The following ETV6 variants were observed in gnomAD, a reference collection of about 807,000 sequenced individuals.
The protein encoded by ETV6 is ETS variant transcription factor 6, also known as transcription factor ETV6.
A neutral mutation model predicts 51.1 loss-of-function variants in ETV6; 16 were observed. That is an observed-to-expected ratio of 0.31 (90% CI 0.21 to 0.48). ETV6 has a LOEUF of 0.48. Ranked by LOEUF, ETV6 falls within the 20% of genes least tolerant of loss-of-function variation. The pLI, the probability that ETV6 is intolerant of heterozygous loss-of-function variation, is 0.99. For synonymous variants in ETV6, 240 were observed against 224.1 expected, an observed-to-expected ratio of 1.07 and a Z score of -0.64; for missense variants, 458 against 594.8, an observed-to-expected ratio of 0.77 and a Z score of 2.39.
chr12:11,673,021 C>G (rs973848771), intron 1 of ETV6, among the ~76,000 whole-genome samples: 1 of 152,166 alleles, frequency 6.6e-6, no homozygotes, highest in African/African-American at 2.4e-5. Context: ...ACTTTCCAGA[C>G]GAAATCTGGC....
intron 2 of ETV6, among the ~76,000 whole-genome samples, chr12:11,758,342 T>C (rs527573239): frequency 6.6e-6 from 1 of 152,338 alleles, no homozygotes; most frequent in South Asian, 2.1e-4. Context: ...GCTCCATTTC[T>C]GTTTCCGGTT....
rs72550787 is a variant in ETV6, at chr12:11,869,832, G to A, written c.872G>A (p.Arg291Lys). Residue 291 changes from arginine to lysine, a missense_variant, in exon 5 of 8, where the codon AGG becomes AAG. By Grantham distance (26) the Arg-to-Lys change is conservative. Around this residue, in one of 4 missense-constraint regions of ETV6, gnomAD observed 293 missense variants for 315.7 expected, o/e 0.93. Transcript: ENST00000396373. The surrounding 1 kb of genome is among the most constrained non-coding windows in gnomAD (Gnocchi z 5.0). ...CACTCCGTGGATTTCAAACAGTCCAGGCTCTCCGAGGACGGGCTGCATAGG... is the reference window on the plus strand; with the variant it reads ...CACTCCGTGGATTTCAAACAGTCCAAGCTCTCCGAGGACGGGCTGCATAGG... The part of the protein sequence containing the change: ...PRHSVDFKQS[R>K]LSEDGLHREG... 35 of 1,613,402 alleles carry A rather than the reference G, an allele frequency of 2.2e-5. No homozygotes were observed. The East Asian group carries it at 6.5e-4, about 30-fold the overall frequency.
At chr12:11,657,826 C>T (rs904182946) in intron 1 of ETV6, among the ~76,000 whole-genome samples, 1 of 152,230 alleles carries the variant, frequency 6.6e-6, no homozygotes, top group Non-Finnish European at 1.5e-5. Context: ...CTTACATTTT[C>T]TTCTGTCTTA....
intron 1 of ETV6, among the ~76,000 whole-genome samples, chr12:11,709,339 T>TCTCTCCTC (rs1425537456): frequency 6.6e-6 from 1 of 152,152 alleles, no homozygotes; most frequent in Admixed American, 6.5e-5. Context: ...GATCTTTTCT[T>TCTCTCCTC]CTCTCCTCCT....
chr12:11,756,331 C>T (rs1304462708), intron 2 of ETV6, among the ~76,000 whole-genome samples: 6 of 152,252 alleles, frequency 3.9e-5, no homozygotes, highest in Non-Finnish European at 1.5e-5. Flanking sequence ...CCTCTGCTTA[C>T]CGGGAGAGCA....
chr12:11,884,147 G>A lies in ETV6; in HGVS notation c.1010-298G>A, dbSNP rs2071163. Among the ~76,000 whole-genome samples the A allele has an allele frequency of 0.15, 22,297 of 152,192 alleles. 1,822 individuals carry two copies. Among genetic ancestry groups the A allele is most frequent in the East Asian group, 0.3 (1,540 of 5,182 alleles). Reference sequence around the variant, plus strand: ...GCCTCCCGTCTTTCACATGGGTTCTGCCCAGGTTTAAGTTTGGGTCACGAC... The same window carrying A: ...GCCTCCCGTCTTTCACATGGGTTCTACCCAGGTTTAAGTTTGGGTCACGAC... On this transcript the variant is annotated intron_variant, in intron 5 of 7. Coordinates refer to ENST00000396373, the MANE Select transcript of ETV6 (RefSeq NM_001987.5).
At chr12:11,750,904 G>A (rs1866013518) in intron 1 of ETV6, 1 of 464,634 alleles carries the variant, frequency 2.2e-6, no homozygotes, top group Admixed American at 2.7e-5. Flanking sequence ...GCCTGCTAAA[G>A]TTCAAGAAAA....
intron 5 of ETV6, among the ~76,000 whole-genome samples, chr12:11,872,082 G>T (rs1355672348): frequency 6.6e-6 from 1 of 152,132 alleles, no homozygotes; most frequent in East Asian, 1.9e-4. Flanking sequence ...TTGACATTTT[G>T]CAGATACCTT....
intron 1 of ETV6, among the ~76,000 whole-genome samples, chr12:11,709,126 A>G (rs1165052295): frequency 3.3e-5 from 5 of 152,082 alleles, no homozygotes; most frequent in Non-Finnish European, 7.4e-5. Flanking sequence ...CCAAGAAGCT[A>G]TGTGAGTTAC....
At chr12:11,662,425 A>G (rs1864116772) in intron 1 of ETV6, among the ~76,000 whole-genome samples, 1 of 152,202 alleles carries the variant, frequency 6.6e-6, no homozygotes, top group African/African-American at 2.4e-5. Flanking sequence ...CTCTGTCTTG[A>G]AAAACTTGGT....
chr12:11,875,051 A>G (rs1388391717), intron 5 of ETV6, among the ~76,000 whole-genome samples: 1 of 152,234 alleles, frequency 6.6e-6, no homozygotes, highest in Non-Finnish European at 1.5e-5. Context: ...ATAATTAAAA[A>G]AAAAAGATAC....
chr12:11,811,973 C>G (rs1261777885), intron 2 of ETV6, among the ~76,000 whole-genome samples: 1 of 152,204 alleles, frequency 6.6e-6, no homozygotes, highest in Admixed American at 6.5e-5. Flanking sequence ...TTGCAGAAGG[C>G]TAACCCTGTC....
intron 3 of ETV6, among the ~76,000 whole-genome samples, chr12:11,850,146 A>G (rs1041457393): frequency 6.6e-6 from 1 of 152,078 alleles, no homozygotes; most frequent in Non-Finnish European, 1.5e-5. Context: ...TAGTCTCCTA[A>G]TAGGCTTCTG....
intron 1 of ETV6, among the ~76,000 whole-genome samples, chr12:11,750,541 CCTTTG>C (rs1387414776): frequency 1.3e-5 from 2 of 152,078 alleles, no homozygotes; most frequent in African/African-American, 4.8e-5. Flanking sequence ...ATTTGAAGAC[CCTTTG>C]GCTGCCCGAT....
chr12:11,801,969 C>T (rs926821465), intron 2 of ETV6, among the ~76,000 whole-genome samples: 2 of 152,216 alleles, frequency 1.3e-5, no homozygotes, highest in African/African-American at 4.8e-5. Flanking sequence ...CTCACGCCCT[C>T]CTGCCCACAT....
chr12:11,669,434 C>G (rs993923426), intron 1 of ETV6, among the ~76,000 whole-genome samples: 1 of 140,500 alleles, frequency 7.1e-6, no homozygotes, highest in Non-Finnish European at 1.5e-5. Flanking sequence ...TTCTTCCTTT[C>G]TTCCCTTTCT....
chr12:11,653,516 C>T (rs1348863752), intron 1 of ETV6, among the ~76,000 whole-genome samples: 1 of 152,186 alleles, frequency 6.6e-6, no homozygotes, highest in Non-Finnish European at 1.5e-5. Flanking sequence ...CCCTTCTGGA[C>T]TCTGGGCTCC....
chr12:11,771,641 G>A (rs560507889), intron 2 of ETV6, among the ~76,000 whole-genome samples: 1 of 152,074 alleles, frequency 6.6e-6, no homozygotes, highest in African/African-American at 2.4e-5. Context: ...ACAGCAAATA[G>A]GAAGAAATCA....
chr12:11,724,807 G>A (rs1168108033), intron 1 of ETV6, among the ~76,000 whole-genome samples: 3 of 152,170 alleles, frequency 2.0e-5, no homozygotes, highest in Admixed American at 6.5e-5. Flanking sequence ...GTCCTTGCAC[G>A]AGACCCTTGC....
Sources: allele counts gnomAD v4.1 joint callset (sites outside exome capture counted in the v4.1 genomes callset), GRCh38; gene constraint gnomAD v4.1.1; regional missense constraint gnomAD v4.1.1; non-coding constraint Gnocchi (gnomAD v3.1); transcripts MANE v1.5; gene names NCBI Gene and HGNC (gene_info 2026-07-23, HGNC 2026-07-21).